PACS1: variants seen among roughly 807,000 people sequenced by gnomAD.
PACS1 encodes phosphofurin acidic cluster sorting protein 1.
Under a neutral mutation model 115.0 loss-of-function variants are expected in PACS1, and 24 were observed. The ratio of observed to expected loss-of-function variants is 0.21; its 90% CI spans 0.15 to 0.29. The LOEUF (loss-of-function observed/expected upper bound fraction) is 0.29, where lower values mean the gene tolerates loss of function less well. PACS1 is among the 10% of genes least tolerant of loss of function. The pLI, the probability that PACS1 is intolerant of heterozygous loss-of-function variation, is 1.00. For synonymous variants in PACS1, 453 were observed against 504.5 expected (o/e 0.90, Z 1.37); for missense variants, 838 against 1,251.2 (o/e 0.67, Z 4.98).
intron 1 of PACS1, among the ~76,000 whole-genome samples, chr11:66,120,528 A>G (rs1858413998): frequency 6.6e-6 from 1 of 152,220 alleles, no homozygotes; most frequent in South Asian, 2.1e-4. Flanking sequence ...CATTATTTGA[A>G]TTACATGCAA....
At chr11:66,217,320 C>T in intron 7 of PACS1, 1 of 323,390 alleles carries the variant, frequency 3.1e-6, no homozygotes, top group Non-Finnish European at 6.1e-6. Context: ...ATAAGACTTC[C>T]TCAAGAGTCA....
intron 17 of PACS1, among the ~76,000 whole-genome samples, chr11:66,234,651 G>A (rs1485906509): frequency 1.3e-5 from 2 of 152,128 alleles, no homozygotes; most frequent in African/African-American, 4.8e-5. Flanking sequence ...CAAGGGCACG[G>A]TGGATCACTT....
chr11:66,088,982 AC>A (rs767358972), intron 1 of PACS1, among the ~76,000 whole-genome samples: 4 of 152,032 alleles, frequency 2.6e-5, no homozygotes, highest in Admixed American at 1.3e-4. Flanking sequence ...ATATTTTTAA[AC>A]CCTAAAGCTA....
At position 66,244,071 on chromosome 11, in the gene PACS1, C is replaced by G. The variant is rs1311267279; in HGVS notation, c.*791C>G. ...CTCTTGGTTGTACCATGTGACACAC[C>G]CTGTGCACTGGTCGCTGTCTTCGTG... On this transcript the variant is annotated 3_prime_UTR_variant, in exon 24 of 24. Transcript: ENST00000320580. 3 of 152,368 alleles carry G rather than the reference C, an allele frequency of 2.0e-5. No homozygotes were observed. Among genetic ancestry groups the G allele is most frequent in the Admixed American group, 6.5e-5 (1 of 15,280 alleles). 9.4% of individuals were successfully genotyped at this position (152,368 alleles called of 1,614,324 possible). A position where few individuals can be genotyped will look rare whatever the true frequency, so the allele number is the denominator to read the frequency against.
intron 1 of PACS1, among the ~76,000 whole-genome samples, chr11:66,099,938 T>TGCTGCAACCTCGGCTC (rs1296833408): frequency 6.6e-6 from 1 of 151,878 alleles, no homozygotes; most frequent in African/African-American, 2.4e-5. Flanking sequence ...AACCTTGGCT[T>TGCTGCAACCTCGGCTC]GCTGCAACCT....
intron 21 of PACS1, chr11:66,241,218 G>T (rs1384408098): frequency 3.7e-6 from 2 of 535,390 alleles, no homozygotes; most frequent in Non-Finnish European, 6.7e-6. Context: ...TCCTTTTCGT[G>T]ACTTGGGCCT....
chr11:66,134,657 T>G (rs1279736583), intron 1 of PACS1, among the ~76,000 whole-genome samples: 1 of 152,064 alleles, frequency 6.6e-6, no homozygotes. Flanking sequence ...CCTGTACATA[T>G]GGAAGTCCAG....
At chr11:66,184,312 C>CAAAAA (rs11309195) in intron 1 of PACS1, among the ~76,000 whole-genome samples, 1 of 56,018 alleles carries the variant, frequency 1.8e-5, no homozygotes, top group African/African-American at 7.6e-5. Context: ...GACCCTGTCT[C>CAAAAA]AAAAAAAAAA....
chr11:66,124,087 G>A (rs900224900), intron 1 of PACS1, among the ~76,000 whole-genome samples: 2 of 152,190 alleles, frequency 1.3e-5, no homozygotes, highest in African/African-American at 4.8e-5. Context: ...TAAAAAAGAC[G>A]GAACTGTTTC....
chr11:66,165,626 T>G (rs548008409), intron 1 of PACS1, among the ~76,000 whole-genome samples: 1 of 152,262 alleles, frequency 6.6e-6, no homozygotes, highest in East Asian at 1.9e-4. Context: ...TTTGTCTGAT[T>G]AAACAGCACC....
intron 1 of PACS1, among the ~76,000 whole-genome samples, chr11:66,158,047 G>A (rs375494889): frequency 1.2e-4 from 19 of 152,296 alleles, no homozygotes; most frequent in East Asian, 3.9e-4. Flanking sequence ...GCTCACTGCA[G>A]CCTCCTTCCC....
intron 1 of PACS1, among the ~76,000 whole-genome samples, chr11:66,163,929 A>T (rs565391666): frequency 9.8e-5 from 15 of 152,318 alleles, no homozygotes; most frequent in African/African-American, 2.9e-4. Context: ...ACCTATTTTT[A>T]AAAAATGTTA....
At chr11:66,216,932 A>AATT (rs1456333081) in intron 7 of PACS1, 157 bp downstream of exon 7, 4 of 614,946 alleles carry the variant, frequency 6.5e-6, no homozygotes, top group Admixed American at 5.2e-5. Context: ...ACCACCGCCC[A>AATT]ATTAGACTCA....
chr11:66,241,358 C>A, intron 21 of PACS1, 69 bp from the exon 22 acceptor site: 1 of 1,236,310 alleles, frequency 8.1e-7, no homozygotes. Context: ...ATGGCCCCTA[C>A]CCCATCAGGC....
At chr11:66,112,736 T>C (rs1255197278) in intron 1 of PACS1, among the ~76,000 whole-genome samples, 3 of 152,266 alleles carry the variant, frequency 2.0e-5, no homozygotes, top group African/African-American at 7.2e-5. Flanking sequence ...ACATGGACAG[T>C]GCTGAATGGG....
In PACS1 at chr11:66,232,307, G is replaced by T. The variant is rs368649666; in HGVS notation, c.1731+31G>T. The T allele has an allele frequency of 1.2e-4, 163 of 1,308,284 alleles. No individual in the cohort carries two copies. In the African/African-American group the frequency reaches 2.2e-3, roughly 18 times the overall value. The allele number at this position is 1,308,284 out of a possible 1,614,324, so 81.0% of individuals were successfully genotyped here. ...TGCTGAAACTGCGAGGCCATGTGGG[G>T]TCCTGGAGGGCAGGCAATGCCCGGT... On this transcript the variant is annotated intron_variant, in intron 14 of 23. Coordinates refer to ENST00000320580, the MANE Select transcript of PACS1 (RefSeq NM_018026.4).
intron 1 of PACS1, among the ~76,000 whole-genome samples, chr11:66,145,349 C>T (rs1020662650): frequency 2.0e-5 from 3 of 152,076 alleles, no homozygotes; most frequent in South Asian, 4.1e-4. Context: ...AGAGGTAATG[C>T]GCTTGATTTG....
chr11:66,150,127 A>G (rs533012466), intron 1 of PACS1, among the ~76,000 whole-genome samples: 2 of 152,338 alleles, frequency 1.3e-5, no homozygotes, highest in East Asian at 3.9e-4. Context: ...TGCTTTGCAC[A>G]TAACAGACCA....
At position 66,170,070 on chromosome 11, in the gene PACS1, C is replaced by G. The variant is rs1859700686; in HGVS notation, c.357-23416C>G. ...TGTTAAATTATATGTTTCTAGAAAT[C>G]TACCTTTTTCATCTAAGTTTCCAGC... is the stretch of plus-strand genomic sequence containing the variant. On this transcript the variant is annotated intron_variant, in intron 1 of 23. Transcript: ENST00000320580. Among the ~76,000 whole-genome samples the G allele has an allele frequency of 1.3e-5, 2 of 150,548 alleles. 1 individual carries two copies. The highest frequency in any genetic ancestry group is 5.0e-5 in the African/African-American group (2 of 39,894).
Sources: allele counts gnomAD v4.1 joint callset (sites outside exome capture counted in the v4.1 genomes callset), GRCh38; gene constraint gnomAD v4.1.1; transcripts MANE v1.5; gene names NCBI Gene and HGNC (gene_info 2026-07-23, HGNC 2026-07-21).